CACNB4: variants seen among roughly 807,000 people sequenced by gnomAD.
CACNB4 encodes the protein calcium voltage-gated channel auxiliary subunit beta 4.
Under a neutral mutation model 71.2 loss-of-function variants are expected in CACNB4, and 32 were observed. The ratio of observed to expected loss-of-function variants is 0.45; its 90% CI spans 0.34 to 0.60. The LOEUF (loss-of-function observed/expected upper bound fraction) is 0.60, where lower values mean the gene tolerates loss of function less well. Among genes scored for constraint, CACNB4 ranks in the 20% least tolerant of loss-of-function variants. The pLI is 0.01. For synonymous variants in CACNB4, 231 were observed against 236.9 expected (o/e 0.97, Z 0.23); for missense variants, 464 against 647.9 (o/e 0.72, Z 3.08).
intron 2 of CACNB4, among the ~76,000 whole-genome samples, chr2:152,036,686 G>T (rs16830649): frequency 0.049 from 7,380 of 152,004 alleles, 592 homozygotes; most frequent in African/African-American, 0.17. Flanking sequence ...TGAGGATGTC[G>T]ACCTCTAGAA....
intron 2 of CACNB4, among the ~76,000 whole-genome samples, chr2:152,061,645 A>AC (rs1338273587): frequency 3.3e-5 from 5 of 151,820 alleles, no homozygotes; most frequent in African/African-American, 1.2e-4. Context: ...TCAAAGCAAA[A>AC]AAAAAAAAAA....
chr2:152,060,151 C>T (rs1305621999), intron 2 of CACNB4, among the ~76,000 whole-genome samples: 1 of 152,176 alleles, frequency 6.6e-6, no homozygotes, highest in Non-Finnish European at 1.5e-5. Flanking sequence ...TGGACTAATA[C>T]AATGTTATAT....
chr2:151,994,881 G>T (rs538275907), intron 2 of CACNB4, among the ~76,000 whole-genome samples: 4 of 151,934 alleles, frequency 2.6e-5, no homozygotes, highest in Non-Finnish European at 4.4e-5. Context: ...TGATCCTTCT[G>T]CCTCAGCCTC....
At chr2:152,061,320 A>G (rs890758052) in intron 2 of CACNB4, among the ~76,000 whole-genome samples, 2 of 152,136 alleles carry the variant, frequency 1.3e-5, no homozygotes, top group Non-Finnish European at 2.9e-5. Flanking sequence ...TCTAAAAAAA[A>G]ATTAATTTAG....
At chr2:152,058,386 A>C (rs1179301668) in intron 2 of CACNB4, among the ~76,000 whole-genome samples, 1 of 152,226 alleles carries the variant, frequency 6.6e-6, no homozygotes, top group Non-Finnish European at 1.5e-5. Flanking sequence ...GAAGATGTGG[A>C]AAGATTTGAA....
intron 2 of CACNB4, among the ~76,000 whole-genome samples, chr2:151,900,814 G>C (rs2099853175): frequency 6.6e-6 from 1 of 151,794 alleles, no homozygotes; most frequent in Admixed American, 6.6e-5. Context: ...ATTCCAAAAA[G>C]GTCTAAAAAT....
intron 2 of CACNB4, among the ~76,000 whole-genome samples, chr2:152,054,468 C>T (rs972466313): frequency 4.6e-5 from 7 of 151,558 alleles, no homozygotes; most frequent in African/African-American, 1.7e-4. Context: ...TTTACTTATC[C>T]ACTCATCAAC....
chr2:151,885,073 C>G (rs972578460), intron 2 of CACNB4, among the ~76,000 whole-genome samples: 2 of 152,222 alleles, frequency 1.3e-5, no homozygotes, highest in African/African-American at 4.8e-5. Flanking sequence ...TAGAGGCCAT[C>G]ATTCTAGCAA....
intron 2 of CACNB4, among the ~76,000 whole-genome samples, chr2:151,989,766 T>C (rs570469699): frequency 2.0e-5 from 3 of 152,326 alleles, no homozygotes; most frequent in Non-Finnish European, 2.9e-5. Flanking sequence ...CCACATATAT[T>C]AGACTCAACA....
chr2:152,032,248 G>T (rs1684326536), intron 2 of CACNB4, among the ~76,000 whole-genome samples: 1 of 152,152 alleles, frequency 6.6e-6, no homozygotes, highest in African/African-American at 2.4e-5. Flanking sequence ...TTGCTCCACG[G>T]ATAAGAAATT....
At chr2:152,033,497 G>A (rs145948824) in intron 2 of CACNB4, among the ~76,000 whole-genome samples, 403 of 152,270 alleles carry the variant, frequency 2.6e-3, no homozygotes, top group African/African-American at 9.3e-3. Flanking sequence ...TTTCTAGCAC[G>A]TGAAGATCCT....
At chr2:151,866,339 GAAA>G (rs2151390931) in intron 9 of CACNB4, 1 of 152,276 alleles carries the variant, frequency 6.6e-6, no homozygotes, top group African/African-American at 2.4e-5. Context: ...TGTACTTTCT[GAAA>G]AATAATAGGA....
At chr2:151,894,559 G>A (rs1231167415) in intron 2 of CACNB4, among the ~76,000 whole-genome samples, 2 of 152,096 alleles carry the variant, frequency 1.3e-5, no homozygotes, top group Non-Finnish European at 2.9e-5. Context: ...GATTTAGCCA[G>A]AGCCATCAAG....
rs1304088741 is a variant in CACNB4, at chr2:152,004,367, C to A, written c.147+93963G>T. 8.5e-5 allele frequency among the ~76,000 whole-genome samples: 13 copies of A among 152,130 alleles called. No homozygotes were observed. The South Asian group carries it at 2.5e-3, about 29-fold the overall frequency. On this transcript the variant is annotated intron_variant, in intron 2 of 13. Transcript: ENST00000539935. ...GTTCTGTGCAGAAGCCCCATTCCTG[C>A]CCTTCTGTGCAACTTAATTTAGCAT...
At chr2:151,962,978 C>T (rs1191094472) in intron 2 of CACNB4, 1 of 152,136 alleles carries the variant, frequency 6.6e-6, no homozygotes, top group African/African-American at 2.4e-5. Flanking sequence ...TTTTATAGTA[C>T]TAACCTTGGA....
At chr2:152,001,343 T>C (rs1682393255) in intron 2 of CACNB4, among the ~76,000 whole-genome samples, 1 of 151,296 alleles carries the variant, frequency 6.6e-6, no homozygotes, top group African/African-American at 2.4e-5. Context: ...GGAGATGAAA[T>C]GTGTATGTAC....
At chr2:152,031,590 A>T (rs1045593606) in intron 2 of CACNB4, among the ~76,000 whole-genome samples, 8 of 152,108 alleles carry the variant, frequency 5.3e-5, no homozygotes, top group Non-Finnish European at 7.4e-5. Context: ...GCCTGGGACC[A>T]GGCAGAGGAG....
intron 2 of CACNB4, among the ~76,000 whole-genome samples, chr2:152,003,667 T>G (rs535432817): frequency 3.3e-4 from 51 of 152,256 alleles, no homozygotes; most frequent in Non-Finnish European, 5.7e-4. Flanking sequence ...AAACCTCTCT[T>G]CGTTTTCCAG....
chr2:151,990,718 C>T (rs1218002873), intron 2 of CACNB4, among the ~76,000 whole-genome samples: 2 of 152,138 alleles, frequency 1.3e-5, no homozygotes, highest in Non-Finnish European at 2.9e-5. Context: ...ACAACTCTGA[C>T]CAGAAGTCAC....
Sources: allele counts gnomAD v4.1 joint callset (sites outside exome capture counted in the v4.1 genomes callset), GRCh38; gene constraint gnomAD v4.1.1; transcripts MANE v1.5; gene names NCBI Gene and HGNC (gene_info 2026-07-23, HGNC 2026-07-21).